The following GEMIN6 variants were observed in gnomAD, a reference collection of about 807,000 sequenced individuals.
GEMIN6 encodes gem nuclear organelle associated protein 6, also known as gem-associated protein 6.
Under a neutral mutation model 14.1 loss-of-function variants are expected in GEMIN6, and 13 were observed. The ratio of observed to expected loss-of-function variants is 0.92; its 90% CI spans 0.60 to 1.46. GEMIN6 has a LOEUF of 1.46. Among genes scored for constraint, GEMIN6 ranks in the 40% most tolerant of loss-of-function variants. The pLI, the probability that GEMIN6 is intolerant of heterozygous loss-of-function variation, is 0.00. For missense variants in GEMIN6, 271 were observed against 202.4 expected (o/e 1.34, Z -2.06); for synonymous variants, 87 against 70.0 (o/e 1.24, Z -1.21).
intron 2 of GEMIN6, among the ~76,000 whole-genome samples, chr2:38,779,926 G>A (rs1463127500): frequency 6.6e-6 from 1 of 150,560 alleles, no homozygotes. Flanking sequence ...CAGGTGATCT[G>A]CCCACCTTGG....
chr2:38,779,658 ATATATATTTTTT>A (rs1457344161), intron 2 of GEMIN6, among the ~76,000 whole-genome samples: 37 of 29,560 alleles, frequency 1.3e-3, no homozygotes, highest in Middle Eastern at 0.029. Context: ...ATATATATAT[ATATATATTTTTT>A]TTTTTTTTTT....
intron 2 of GEMIN6, among the ~76,000 whole-genome samples, chr2:38,780,073 C>G (rs1669045077): frequency 6.6e-6 from 1 of 150,662 alleles, no homozygotes; most frequent in Non-Finnish European, 1.5e-5. Context: ...AATCCCAGCA[C>G]TTTGGGAGGC....
At chr2:38,781,026 T>A (rs1230000057) in intron 2 of GEMIN6, among the ~76,000 whole-genome samples, 1 of 144,614 alleles carries the variant, frequency 6.9e-6, no homozygotes, top group African/African-American at 2.6e-5. Flanking sequence ...TGGAGTGCAG[T>A]GGCATGATCT....
intron 1 of GEMIN6, 31 bp from the exon 2 acceptor site, chr2:38,778,941 A>T: frequency 6.4e-7 from 1 of 1,566,414 alleles, no homozygotes; most frequent in Non-Finnish European, 8.6e-7. Flanking sequence ...TACGTGGAAC[A>T]TATATTAACC....
intron 1 of GEMIN6, among the ~76,000 whole-genome samples, 176 bp from the exon 2 acceptor site, chr2:38,778,796 C>T (rs1322149745): frequency 6.6e-6 from 1 of 152,108 alleles, no homozygotes; most frequent in Non-Finnish European, 1.5e-5. Flanking sequence ...TTCTTTTCCC[C>T]AACTATAGTA....
Position 38,781,537 on chromosome 2 carries a change from T to G in GEMIN6, c.149T>G (p.Leu50Arg). 6.2e-7 allele frequency: 1 copy of G among 1,612,834 alleles called. No homozygotes were observed. Among genetic ancestry groups the G allele is most frequent in the Non-Finnish European group, 8.5e-7 (1 of 1,179,382 alleles). Residue 50 changes from leucine (L) to arginine (R), a missense_variant, in exon 3 of 3, where the codon CTT becomes CGT. By Grantham distance (102) the Leu-to-Arg change is moderately radical. Transcript: ENST00000281950. ...CAAAGTATTGTCCTTGTGAACTTCC[T>G]TGAAGATGGCAGCATGTCTGTGACC... ...VSANIVLVNF[L>R]EDGSMSVTGI...
Position 38,781,622 on chromosome 2 carries a change from G to A in GEMIN6, c.234G>A (p.Val78=). The A allele has an allele frequency of 6.2e-7, 1 of 1,614,222 alleles. No homozygotes were observed. The highest frequency in any genetic ancestry group is 8.5e-7 in the Non-Finnish European group (1 of 1,180,048). ...VETMNEGDHR[V]REKLMHLFTS... ...CTATGAATGAAGGGGACCATAGAGTGAGGGAGAAGCTGATGCATTTGTTCA... is the reference window on the plus strand; with the variant it reads ...CTATGAATGAAGGGGACCATAGAGTAAGGGAGAAGCTGATGCATTTGTTCA... The change falls in exon 3 of 3, where the codon GTG becomes GTA. Residue 78 remains valine, a synonymous_variant. Coordinates refer to ENST00000281950, the MANE Select transcript of GEMIN6 (RefSeq NM_024775.10).
intron 1 of GEMIN6, among the ~76,000 whole-genome samples, chr2:38,778,676 C>T (rs1669006572): frequency 6.6e-6 from 1 of 152,118 alleles, no homozygotes. Flanking sequence ...AGATGAATTT[C>T]CTCAGACTGC....
chr2:38,779,656 A>ATTTTTT (rs1300414840), intron 2 of GEMIN6, among the ~76,000 whole-genome samples: 2 of 26,912 alleles, frequency 7.4e-5, no homozygotes, highest in Non-Finnish European at 9.4e-5. Context: ...ATATATATAT[A>ATTTTTT]TATATATATT....
intron 1 of GEMIN6, 95 bp downstream of exon 1, chr2:38,778,376 C>G (rs1669000108): frequency 6.6e-6 from 1 of 152,190 alleles, no homozygotes; most frequent in Non-Finnish European, 1.5e-5. Context: ...GACCAGAAAT[C>G]TAAGCTCTAG....
At chr2:38,779,690 T>TG (rs1669038431) in intron 2 of GEMIN6, among the ~76,000 whole-genome samples, 1 of 122,256 alleles carries the variant, frequency 8.2e-6, no homozygotes, top group Non-Finnish European at 1.7e-5. Context: ...TTTTTTTTTT[T>TG]TCGGGGGTGG....
chr2:38,780,783 C>G (rs1468467757), intron 2 of GEMIN6, among the ~76,000 whole-genome samples: 1 of 151,644 alleles, frequency 6.6e-6, no homozygotes, highest in Non-Finnish European at 1.5e-5. Context: ...CATGTGCTAC[C>G]ACACCCGGCT....
chr2:38,780,319 CAAA>C (rs1247327380), intron 2 of GEMIN6, among the ~76,000 whole-genome samples: 1 of 115,198 alleles, frequency 8.7e-6, no homozygotes. Flanking sequence ...GACTCCGTCT[CAAA>C]AAAAAAAAAA....
chr2:38,780,974 C>CT (rs1558338399), intron 2 of GEMIN6, among the ~76,000 whole-genome samples: 1 of 32,856 alleles, frequency 3.0e-5, no homozygotes, highest in Non-Finnish European at 9.8e-5. Context: ...ACCCTGCCTT[C>CT]TTCTTTTTTT....
chr2:38,783,157 AC>A lies in GEMIN6; in HGVS notation c.*1267del, dbSNP rs544230214. 7.1e-5 allele frequency: 11 copies of A among 154,340 alleles called. No individual in the cohort carries two copies. The South Asian group carries it at 2.2e-3, about 31-fold the overall frequency. 9.6% of individuals were successfully genotyped at this position (154,340 alleles called of 1,614,324 possible). ...AGTTCTGGGATTACAGGTGTGAGCC[AC>A]CGTGCCCGGCTGTTTTTTGTGGGTT... On this transcript the variant is annotated 3_prime_UTR_variant, in exon 3 of 3. Coordinates refer to ENST00000281950, the MANE Select transcript of GEMIN6 (RefSeq NM_024775.10).
chr2:38,780,391 G>A (rs530952561), intron 2 of GEMIN6, among the ~76,000 whole-genome samples: 26 of 151,776 alleles, frequency 1.7e-4, no homozygotes, highest in African/African-American at 6.0e-4. Context: ...TTGAGATGGA[G>A]TCTCGCTGTG....
chr2:38,782,408 A>G lies in GEMIN6; in HGVS notation c.*516A>G, dbSNP rs1261974482. On this transcript the variant is annotated 3_prime_UTR_variant, in exon 3 of 3. Coordinates refer to ENST00000281950, the MANE Select transcript of GEMIN6 (RefSeq NM_024775.10). Reference sequence around the variant, plus strand: ...TTTGTTAGGCAAGAAAAGCATTTGGAAAAAAATGTAACATGTTAGATTCAA... The same window carrying G: ...TTTGTTAGGCAAGAAAAGCATTTGGGAAAAAATGTAACATGTTAGATTCAA... 2 of 152,320 alleles carry G rather than the reference A, an allele frequency of 1.3e-5. No homozygotes were observed. Among genetic ancestry groups the G allele is most frequent in the Non-Finnish European group, 2.9e-5 (2 of 68,250 alleles). 9.4% of individuals were successfully genotyped at this position (152,320 alleles called of 1,614,324 possible). A position where few individuals can be genotyped will look rare whatever the true frequency, so the allele number is the denominator to read the frequency against.
chr2:38,780,426 G>A (rs189550612), intron 2 of GEMIN6, among the ~76,000 whole-genome samples: 2,389 of 147,428 alleles, frequency 0.016, 33 homozygotes, highest in Middle Eastern at 0.073. Flanking sequence ...GTGCAGTGGC[G>A]TGATCTCAGT....
chr2:38,778,284 A>T lies in GEMIN6; in HGVS notation c.-20+3A>T, dbSNP rs1431993282. On this transcript the variant is annotated splice_donor_region_variant and intron_variant, in intron 1 of 2. Transcript: ENST00000281950. ...AGTTGCGAGGAGTTTTTTAACTGGT[A>T]TTTTTCTCGTTTGTCAGGGTTAAAC... 1.3e-5 allele frequency: 2 copies of T among 152,134 alleles called. No homozygotes were observed. Among genetic ancestry groups the T allele is most frequent in the African/African-American group, 4.8e-5 (2 of 41,416 alleles). The allele number at this position is 152,134 out of a possible 1,614,324, so 9.4% of individuals were successfully genotyped here.
Sources: gnomAD v4.1 joint callset for allele counts (sites outside exome capture counted in the v4.1 genomes callset) on GRCh38, gnomAD v4.1.1 for gene constraint, MANE v1.5 for transcripts, NCBI Gene and HGNC (gene_info 2026-07-23, HGNC 2026-07-21) for gene names.